The following SFMBT2 variants were observed in gnomAD, a reference collection of about 807,000 sequenced individuals.
The protein encoded by SFMBT2 is scm-like with four MBT domains protein 2.
SFMBT2 carries 38 observed loss-of-function variants against 110.1 expected under a neutral mutation model. The observed-to-expected ratio is 0.35, with a 90% CI of 0.27 to 0.45. The LOEUF (loss-of-function observed/expected upper bound fraction) is 0.45. Among genes scored for constraint, SFMBT2 ranks in the 20% least tolerant of loss-of-function variants. SFMBT2 has a pLI of 1.00. For synonymous variants in SFMBT2, 425 were observed against 425.4 expected (o/e 1.00, Z 0.01); for missense variants, 1,011 against 1,094.9 (o/e 0.92, Z 1.08).
intron 11 of SFMBT2, among the ~76,000 whole-genome samples, chr10:7,219,070 C>A (rs1173122578): frequency 6.6e-6 from 1 of 152,134 alleles, no homozygotes; most frequent in Non-Finnish European, 1.5e-5. Context: ...ATAATGCAAA[C>A]AAGAGTCCAA....
intron 12 of SFMBT2, chr10:7,203,632 G>A: frequency 2.1e-6 from 2 of 956,306 alleles, no homozygotes; most frequent in Non-Finnish European, 2.5e-6. Flanking sequence ...AAGGACAGAG[G>A]GGATTGGAAC....
rs370018927 is a variant in SFMBT2 at position 7,339,334 on chromosome 10, CACTT to C, written c.436+28311_436+28314del. ...AAAACTGAATTGGCTTTTTGCTTCA[CACTT>C]ACTCAAATCAATTCCACACAAAGGA... On this transcript the variant is annotated intron_variant, in intron 4 of 20. Coordinates refer to ENST00000397167, the MANE Select transcript of SFMBT2 (RefSeq NM_001387889.1). Among the ~76,000 whole-genome samples the C allele has an allele frequency of 5.8e-3, 887 of 152,280 alleles. 6 individuals carry two copies. Among genetic ancestry groups the C allele is most frequent in the African/African-American group, 0.019 (810 of 41,560 alleles).
At chr10:7,402,154 C>T (rs1294882062) in intron 1 of SFMBT2, among the ~76,000 whole-genome samples, 1 of 150,012 alleles carries the variant, frequency 6.7e-6, no homozygotes, top group Admixed American at 6.7e-5. Flanking sequence ...ATGTCCTTTC[C>T]AATCTGGAGA....
At chr10:7,320,351 C>G (rs572355774) in intron 4 of SFMBT2, among the ~76,000 whole-genome samples, 1 of 152,148 alleles carries the variant, frequency 6.6e-6, no homozygotes, top group South Asian at 2.1e-4. Flanking sequence ...TCTTGCCCCG[C>G]GGTATAAATG....
At chr10:7,215,165 C>T (rs1204063271) in intron 11 of SFMBT2, among the ~76,000 whole-genome samples, 1 of 152,168 alleles carries the variant, frequency 6.6e-6, no homozygotes, top group African/African-American at 2.4e-5. Context: ...TTTTGGGAGG[C>T]CAAGGTGGGC....
chr10:7,385,757 T>C (rs558437140), intron 1 of SFMBT2, among the ~76,000 whole-genome samples: 1 of 152,054 alleles, frequency 6.6e-6, no homozygotes, highest in Non-Finnish European at 1.5e-5. Flanking sequence ...CCCAGCACTT[T>C]GGGAGGCCGA....
At chr10:7,349,440 CTTTTTTTTTTTTTT>C in intron 4 of SFMBT2, among the ~76,000 whole-genome samples, 1 of 46,888 alleles carries the variant, frequency 2.1e-5, no homozygotes, top group South Asian at 1.2e-3. Flanking sequence ...CTTTTCTTTT[CTTTTTTTTTTTTTT>C]TTTTTTTTTT....
chr10:7,236,389 C>T (rs1202503866), intron 9 of SFMBT2, among the ~76,000 whole-genome samples: 9 of 151,942 alleles, frequency 5.9e-5, no homozygotes, highest in Non-Finnish European at 1.3e-4. Context: ...CAATAGATAT[C>T]AAGACTATAT....
rs145963563 is a variant in SFMBT2 at position 7,174,598 on chromosome 10, C to T, written c.1984+1392G>A. ...TCCGGAGACATCTCTGAGTTCATTT[C>T]GGCAATGCTGAATGGGAGGTGTGGG... On this transcript the variant is annotated intron_variant, in intron 17 of 20. Transcript: ENST00000397167. 1.1e-4 allele frequency among the ~76,000 whole-genome samples: 16 copies of T among 152,342 alleles called. No individual in the cohort carries two copies. The East Asian group carries it at 2.9e-3, about 28-fold the overall frequency.
chr10:7,346,571 A>AT (rs1479062965), intron 4 of SFMBT2, among the ~76,000 whole-genome samples: 1 of 152,134 alleles, frequency 6.6e-6, no homozygotes, highest in Non-Finnish European at 1.5e-5. Context: ...TAGACAATAC[A>AT]TTTTGACTCC....
At chr10:7,213,609 GGT>G (rs1163188310) in intron 11 of SFMBT2, among the ~76,000 whole-genome samples, 1 of 152,214 alleles carries the variant, frequency 6.6e-6, no homozygotes, top group East Asian at 1.9e-4. Flanking sequence ...CGGTTCTGCT[GGT>G]GAGTTCTGTT....
At chr10:7,215,028 C>T (rs1037751942) in intron 11 of SFMBT2, among the ~76,000 whole-genome samples, 1 of 152,254 alleles carries the variant, frequency 6.6e-6, no homozygotes, top group Non-Finnish European at 1.5e-5. Flanking sequence ...GGCTAAAATA[C>T]TCAGCACTGG....
At chr10:7,343,742 C>A (rs1844005209) in intron 4 of SFMBT2, among the ~76,000 whole-genome samples, 1 of 152,164 alleles carries the variant, frequency 6.6e-6, no homozygotes, top group Non-Finnish European at 1.5e-5. Context: ...AGCCTTTCTA[C>A]ACAAGAAAAC....
At chr10:7,277,972 G>A (rs568415752) in intron 6 of SFMBT2, among the ~76,000 whole-genome samples, 7 of 152,098 alleles carry the variant, frequency 4.6e-5, no homozygotes, top group Non-Finnish European at 8.8e-5. Context: ...CCCTGTTTCC[G>A]CAGTTTATTC....
intron 16 of SFMBT2, 41 bp downstream of exon 16, chr10:7,188,583 T>C: frequency 1.3e-6 from 2 of 1,487,506 alleles, no homozygotes; most frequent in Non-Finnish European, 1.9e-6. Flanking sequence ...CATGGGGAAG[T>C]ATTACAAAAA....
At chr10:7,214,632 C>A (rs1186690927) in intron 11 of SFMBT2, 1 of 985,392 alleles carries the variant, frequency 1.0e-6, no homozygotes, top group Non-Finnish European at 1.2e-6. Context: ...ACGTAGCGGA[C>A]CTGCCTTGCA....
chr10:7,226,710 T>C (rs1263675554), intron 10 of SFMBT2, among the ~76,000 whole-genome samples: 2 of 152,246 alleles, frequency 1.3e-5, no homozygotes, highest in Non-Finnish European at 1.5e-5. Context: ...GAATTATTGA[T>C]AATTTTGTAA....
intron 1 of SFMBT2, among the ~76,000 whole-genome samples, chr10:7,383,783 C>T (rs140788727): frequency 1.6e-4 from 25 of 152,266 alleles, no homozygotes; most frequent in African/African-American, 5.8e-4. Context: ...AAAATGAGGG[C>T]ACAAGGTTTG....
At chr10:7,182,956 C>A (rs187451539) in intron 16 of SFMBT2, among the ~76,000 whole-genome samples, 53 of 151,904 alleles carry the variant, frequency 3.5e-4, no homozygotes, top group African/African-American at 1.2e-3. Context: ...AAGGGTGAGA[C>A]GCCGATGTTA....
Sources: allele counts gnomAD v4.1 joint callset (sites outside exome capture counted in the v4.1 genomes callset), GRCh38; gene constraint gnomAD v4.1.1; transcripts MANE v1.5; gene names NCBI Gene and HGNC (gene_info 2026-07-23, HGNC 2026-07-21).